CACNA2D1: variants seen among roughly 807,000 people sequenced by gnomAD.
The protein encoded by CACNA2D1 is calcium voltage-gated channel auxiliary subunit alpha2delta 1.
Under a neutral mutation model 171.5 loss-of-function variants are expected in CACNA2D1, and 53 were observed. The observed-to-expected ratio is 0.31, with a 90% confidence interval of 0.25 to 0.39. The LOEUF (loss-of-function observed/expected upper bound fraction) is 0.39, where lower values mean the gene tolerates loss of function less well. Among genes scored for constraint, CACNA2D1 ranks in the 10% least tolerant of loss-of-function variants. CACNA2D1 has a pLI of 1.00. For synonymous variants in CACNA2D1, 442 were observed against 443.1 expected, an observed-to-expected ratio of 1.00 and a Z score of 0.03; for missense variants, 903 against 1,299.8, an observed-to-expected ratio of 0.69 and a Z score of 4.69.
At chr7:82,123,960 A>G (rs1265926731) in intron 5 of CACNA2D1, among the ~76,000 whole-genome samples, 1 of 152,026 alleles carries the variant, frequency 6.6e-6, no homozygotes, top group Non-Finnish European at 1.5e-5. Flanking sequence ...TGTATATATA[A>G]TATATGCTAG....
At chr7:82,344,872 T>C (rs1022583314) in intron 2 of CACNA2D1, among the ~76,000 whole-genome samples, 7 of 152,298 alleles carry the variant, frequency 4.6e-5, no homozygotes, top group Middle Eastern at 3.4e-3. Context: ...CTGTATTTGT[T>C]TATTTAAAGT....
chr7:82,074,096 C>T lies in CACNA2D1; in HGVS notation c.659-7572G>A, dbSNP rs146664579. On this transcript the variant is annotated intron_variant, in intron 7 of 38. Transcript: ENST00000356860. ...GTACATTAAGAGATAAAACTGGAAA[C>T]GTAGATTGAGTTAGAATCTTTGGAT... Among the ~76,000 whole-genome samples, 176 of 152,210 alleles carry T rather than the reference C, an allele frequency of 1.2e-3. 3 individuals carry two copies. In the East Asian group the frequency reaches 0.026, roughly 23 times the overall value.
intron 1 of CACNA2D1, among the ~76,000 whole-genome samples, chr7:82,438,869 T>C (rs1830292888): frequency 6.6e-6 from 1 of 152,218 alleles, no homozygotes. Flanking sequence ...TGGACCGTTG[T>C]CATTTTAATA....
intron 7 of CACNA2D1, among the ~76,000 whole-genome samples, chr7:82,069,631 T>C (rs1193702677): frequency 6.6e-6 from 1 of 152,160 alleles, no homozygotes; most frequent in African/African-American, 2.4e-5. Flanking sequence ...ATATACGTAA[T>C]AGGAAAATAT....
intron 3 of CACNA2D1, among the ~76,000 whole-genome samples, chr7:82,217,660 AC>A (rs1801298407): frequency 6.6e-6 from 1 of 150,846 alleles, no homozygotes; most frequent in Non-Finnish European, 1.5e-5. Flanking sequence ...ACACACACAC[AC>A]ACAATCTTTA....
At chr7:82,443,311 C>A in intron 1 of CACNA2D1, 54 bp downstream of exon 1, 1 of 1,549,728 alleles carries the variant, frequency 6.5e-7, no homozygotes, top group Non-Finnish European at 8.8e-7. Flanking sequence ...ACCCCCACCC[C>A]CAACTCCCGC....
At chr7:82,045,914 A>G (rs886352522) in intron 10 of CACNA2D1, among the ~76,000 whole-genome samples, 1 of 152,112 alleles carries the variant, frequency 6.6e-6, no homozygotes, top group African/African-American at 2.4e-5. Context: ...AAATTCCCTG[A>G]CGCACTTTTC....
intron 3 of CACNA2D1, among the ~76,000 whole-genome samples, chr7:82,269,676 A>C (rs1372327232): frequency 2.0e-5 from 3 of 152,156 alleles, no homozygotes; most frequent in Non-Finnish European, 4.4e-5. Context: ...CTTTGTACCC[A>C]GCTTAATGTC....
chr7:82,434,840 G>A (rs986517951), intron 1 of CACNA2D1, among the ~76,000 whole-genome samples: 1 of 151,954 alleles, frequency 6.6e-6, no homozygotes, highest in Non-Finnish European at 1.5e-5. Flanking sequence ...GTGGCCTGAT[G>A]ACTTCCTTTA....
chr7:82,426,174 AATAAATAC>A (rs80307907), intron 1 of CACNA2D1, among the ~76,000 whole-genome samples: 13,657 of 111,886 alleles, frequency 0.12, 687 homozygotes, highest in African/African-American at 0.17. Context: ...TAAATAAATA[AATAAATAC>A]ATAAATTCTA....
chr7:81,954,321 T>C (rs1372300264), intron 38 of CACNA2D1, among the ~76,000 whole-genome samples: 1 of 151,872 alleles, frequency 6.6e-6, no homozygotes, highest in African/African-American at 2.4e-5. Flanking sequence ...TATATTTATT[T>C]TAAAATATGA....
intron 3 of CACNA2D1, among the ~76,000 whole-genome samples, chr7:82,270,471 C>T (rs997632234): frequency 6.6e-6 from 1 of 151,940 alleles, no homozygotes; most frequent in Non-Finnish European, 1.5e-5. Flanking sequence ...GTATACACCT[C>T]GGTTTATTTA....
At chr7:82,322,628 A>T (rs944898380) in intron 3 of CACNA2D1, among the ~76,000 whole-genome samples, 1 of 152,116 alleles carries the variant, frequency 6.6e-6, no homozygotes, top group Non-Finnish European at 1.5e-5. Context: ...CAAAAAAATA[A>T]TAAAAATAAA....
At chr7:82,175,950 T>C (rs1463984063) in intron 3 of CACNA2D1, among the ~76,000 whole-genome samples, 2 of 151,944 alleles carry the variant, frequency 1.3e-5, no homozygotes, top group Admixed American at 6.6e-5. Context: ...AAAATCTTAG[T>C]AGACCTTAAG....
chr7:82,267,714 G>A (rs1362046100), intron 3 of CACNA2D1, among the ~76,000 whole-genome samples: 1 of 152,128 alleles, frequency 6.6e-6, no homozygotes, highest in Admixed American at 6.5e-5. Flanking sequence ...TACAAACTCG[G>A]CTGGGTGTGG....
intron 7 of CACNA2D1, among the ~76,000 whole-genome samples, chr7:82,083,543 T>G (rs971459964): frequency 2.0e-5 from 3 of 152,054 alleles, no homozygotes; most frequent in Non-Finnish European, 4.4e-5. Context: ...GTGAACAATA[T>G]TCCATAAAGG....
chr7:82,087,182 T>C (rs974674188), intron 6 of CACNA2D1, among the ~76,000 whole-genome samples: 2 of 152,158 alleles, frequency 1.3e-5, no homozygotes, highest in Non-Finnish European at 1.5e-5. Context: ...TGTAGTAAGA[T>C]GTAAGAATAC....
At chr7:82,307,133 A>G (rs1418445506) in intron 3 of CACNA2D1, among the ~76,000 whole-genome samples, 1 of 152,080 alleles carries the variant, frequency 6.6e-6, no homozygotes, top group Non-Finnish European at 1.5e-5. Context: ...TAGGAGAAAA[A>G]ATAAACATTT....
intron 3 of CACNA2D1, among the ~76,000 whole-genome samples, chr7:82,232,851 G>A (rs956780305): frequency 7.0e-5 from 7 of 100,246 alleles, no homozygotes; most frequent in African/African-American, 2.5e-4. Context: ...GCAACAGAGC[G>A]AGATGTCTCC....
Sources: gnomAD v4.1 joint callset for allele counts (sites outside exome capture counted in the v4.1 genomes callset) on GRCh38, gnomAD v4.1.1 for gene constraint, MANE v1.5 for transcripts, NCBI Gene and HGNC (gene_info 2026-07-23, HGNC 2026-07-21) for gene names.